DIAPH2: variants seen among roughly 807,000 people sequenced by gnomAD.
DIAPH2 encodes the protein diaphanous related formin 2, also known as protein diaphanous homolog 2.
DIAPH2 carries 35 observed loss-of-function variants against 92.7 expected under a neutral mutation model. The ratio of observed to expected loss-of-function variants is 0.38; its 90% CI spans 0.29 to 0.50. The LOEUF (loss-of-function observed/expected upper bound fraction) is 0.50. Among genes scored for constraint, DIAPH2 ranks in the 20% least tolerant of loss-of-function variants. The pLI, the probability that DIAPH2 is intolerant of heterozygous loss-of-function variation, is 0.94. For missense variants in DIAPH2, 701 were observed against 819.5 expected (o/e 0.86, Z 1.77); for synonymous variants, 301 against 280.4 (o/e 1.07, Z -0.73).
intron 23 of DIAPH2, among the ~76,000 whole-genome samples, chrX:97,292,175 C>A (rs978780817): frequency 4.7e-5 from 5 of 107,296 alleles, no homozygotes; most frequent in African/African-American, 1.7e-4. Flanking sequence ...ACCACAGGTG[C>A]ATGACACCAC....
intron 4 of DIAPH2, among the ~76,000 whole-genome samples, chrX:96,872,879 A>G (rs1450175070): frequency 3.6e-5 from 4 of 111,774 alleles, no homozygotes; most frequent in Non-Finnish European, 7.5e-5. Context: ...TACTGCTGCA[A>G]TAAATATGGG....
intron 25 of DIAPH2, among the ~76,000 whole-genome samples, chrX:97,414,086 G>A (rs368136547): frequency 2.7e-5 from 3 of 111,535 alleles, no homozygotes; most frequent in African/African-American, 6.5e-5. Context: ...AAAAGAGCCC[G>A]CATTGTCAAG....
intron 22 of DIAPH2, among the ~76,000 whole-genome samples, chrX:97,156,553 C>G (rs1188427629): frequency 9.0e-6 from 1 of 111,564 alleles, no homozygotes; most frequent in Non-Finnish European, 1.9e-5. Context: ...TAAAATCCTC[C>G]ATGATCTGGA....
chrX:97,142,602 T>C (rs762676448), intron 22 of DIAPH2, among the ~76,000 whole-genome samples: 2 of 111,667 alleles, frequency 1.8e-5, no homozygotes, highest in East Asian at 5.6e-4. Context: ...AACAAAAATG[T>C]CTCTGAGATT....
intron 23 of DIAPH2, among the ~76,000 whole-genome samples, chrX:97,324,286 T>A (rs1053357665): frequency 9.0e-6 from 1 of 111,632 alleles, no homozygotes; most frequent in Non-Finnish European, 1.9e-5. Flanking sequence ...TAGCTAAGAA[T>A]CTGATGTACC....
intron 9 of DIAPH2, among the ~76,000 whole-genome samples, chrX:96,926,088 A>T: frequency 8.9e-6 from 1 of 111,775 alleles, no homozygotes; most frequent in East Asian, 2.8e-4. Flanking sequence ...TTTGTCACAG[A>T]TAATGGCAAT....
chrX:97,551,050 T>G (rs1001577275), intron 26 of DIAPH2, among the ~76,000 whole-genome samples: 1 of 110,715 alleles, frequency 9.0e-6, no homozygotes, highest in Non-Finnish European at 1.9e-5. Flanking sequence ...TTTTTTTTTT[T>G]GAAAGTCAAA....
chrX:97,380,032 A>T (rs1286160048), intron 24 of DIAPH2, among the ~76,000 whole-genome samples: 1 of 110,593 alleles, frequency 9.0e-6, no homozygotes, highest in East Asian at 2.8e-4. Flanking sequence ...GATTATGCAT[A>T]GCAAGGGAAA....
At chrX:97,487,566 G>A (rs755305407) in intron 26 of DIAPH2, among the ~76,000 whole-genome samples, 2 of 111,699 alleles carry the variant, frequency 1.8e-5, no homozygotes, top group East Asian at 2.8e-4. Context: ...GAGCCACCGC[G>A]CCCGGCCTCA....
At chrX:97,178,517 A>G (rs1312534599) in intron 22 of DIAPH2, among the ~76,000 whole-genome samples, 14 of 95,286 alleles carry the variant, frequency 1.5e-4, no homozygotes, top group African/African-American at 5.3e-4. Flanking sequence ...CAGTGGCACA[A>G]TCTCAGCTCA....
rs528893142 is a variant in DIAPH2 at position 97,496,156 on chromosome X, T to A, written c.3241+66411T>A. On this transcript the variant is annotated intron_variant, in intron 26 of 26. Transcript: ENST00000324765. Reference sequence around the variant, plus strand: ...TTTATAAAGATCAAGGGTAACAAATTTGAATTGGTACCTTTTTTTTTTTTT... The same window carrying A: ...TTTATAAAGATCAAGGGTAACAAATATGAATTGGTACCTTTTTTTTTTTTT... Among the ~76,000 whole-genome samples the A allele has an allele frequency of 4.8e-5, 5 of 103,447 alleles. No homozygotes were observed. The South Asian group carries it at 2.3e-3, about 47-fold the overall frequency. 89.8% of individuals were successfully genotyped at this position (103,447 alleles called of 115,157 possible).
rs1215186445 is a variant in DIAPH2 at position 97,304,339 on chromosome X, C to T, written c.2845-43777C>T. On this transcript the variant is annotated intron_variant, in intron 23 of 26. Coordinates refer to ENST00000324765, the MANE Select transcript of DIAPH2 (RefSeq NM_006729.5). ...AAAACATTCAAAAGGTGTTTAACAA[C>T]AGTAATAGTTGATCTGAGAAGAAAT... 2.7e-5 allele frequency among the ~76,000 whole-genome samples: 3 copies of T among 112,165 alleles called. No individual in the cohort carries two copies. In the Admixed American group the frequency reaches 2.9e-4, roughly 11 times the overall value.
In DIAPH2 at chrX:97,131,646, C is replaced by T. The variant is rs768040756; in HGVS notation, c.2590-10019C>T. Among the ~76,000 whole-genome samples, 4 of 111,989 alleles carry T rather than the reference C, an allele frequency of 3.6e-5. No homozygotes were observed. The East Asian group carries it at 1.1e-3, about 31-fold the overall frequency. On this transcript the variant is annotated intron_variant, in intron 21 of 26. Transcript: ENST00000324765. ...CAATAAAAGTTAAAAGTTTTAGTTA[C>T]GTGCTTAACCCATGTCTGAGAAGAA...
At chrX:96,707,599 G>C (rs1329122538) in intron 1 of DIAPH2, among the ~76,000 whole-genome samples, 1 of 109,102 alleles carries the variant, frequency 9.2e-6, no homozygotes, top group Non-Finnish European at 1.9e-5. Context: ...AGTGAGCCAA[G>C]ATCACGCCAT....
chrX:97,181,413 G>A (rs1395636176), intron 22 of DIAPH2, among the ~76,000 whole-genome samples: 1 of 110,589 alleles, frequency 9.0e-6, no homozygotes, highest in Non-Finnish European at 1.9e-5. Flanking sequence ...TGTTGTTGTT[G>A]TTGTTTTGTT....
At chrX:97,541,753 G>A (rs775308521) in intron 26 of DIAPH2, among the ~76,000 whole-genome samples, 3 of 112,011 alleles carry the variant, frequency 2.7e-5, no homozygotes, top group African/African-American at 3.2e-5. Flanking sequence ...ATACCCCATG[G>A]CAGTCTGACT....
At chrX:96,939,556 A>ATG (rs1172220883) in intron 12 of DIAPH2, among the ~76,000 whole-genome samples, 174 bp downstream of exon 12, 4 of 66,943 alleles carry the variant, frequency 6.0e-5, no homozygotes, top group Admixed American at 1.6e-4. Flanking sequence ...GTATATATGT[A>ATG]TATATATATA....
rs753510881 is a variant in DIAPH2, at chrX:96,961,955, G to T, written c.1936-3138G>T. On this transcript the variant is annotated intron_variant, in intron 16 of 26. Coordinates refer to ENST00000324765, the MANE Select transcript of DIAPH2 (RefSeq NM_006729.5). ...TTATAGTAGCATATGATCTATCCTT[G>T]AGAATGTTTCTTATGCTGATGGGAA... 9.2e-4 allele frequency among the ~76,000 whole-genome samples: 100 copies of T among 109,197 alleles called. 1 individual carries two copies. In the South Asian group the frequency reaches 0.038, roughly 41 times the overall value. The allele number at this position is 109,197 out of a possible 115,157, so 94.8% of individuals were successfully genotyped here. A position where few individuals can be genotyped will look rare whatever the true frequency, so the allele number is the denominator to read the frequency against.
At chrX:97,502,857 T>A (rs1384177247) in intron 26 of DIAPH2, among the ~76,000 whole-genome samples, 12 of 112,520 alleles carry the variant, frequency 1.1e-4, no homozygotes, top group African/African-American at 3.9e-4. Context: ...ACGTGAGCAG[T>A]GCAACAGTAC....
Sources: gnomAD v4.1 joint callset for allele counts (sites outside exome capture counted in the v4.1 genomes callset) on GRCh38, gnomAD v4.1.1 for gene constraint, MANE v1.5 for transcripts, NCBI Gene and HGNC (gene_info 2026-07-23, HGNC 2026-07-21) for gene names.